The following MEIS1 variants were observed in gnomAD, a reference collection of about 807,000 sequenced individuals.
MEIS1 encodes homeobox protein Meis1.
Under a neutral mutation model 50.8 loss-of-function variants are expected in MEIS1, and 5 were observed. The observed-to-expected ratio is 0.10, with a 90% CI of 0.05 to 0.21. The LOEUF is 0.21. Among genes scored for constraint, MEIS1 ranks in the 10% least tolerant of loss-of-function variants. MEIS1 has a pLI of 1.00. For missense variants in MEIS1, 318 were observed against 517.3 expected (o/e 0.61, Z 3.74); for synonymous variants, 176 against 179.3 (o/e 0.98, Z 0.15).
chr2:66,472,519 T>C (rs1672786965), intron 7 of MEIS1, among the ~76,000 whole-genome samples: 1 of 152,228 alleles, frequency 6.6e-6, no homozygotes, highest in South Asian at 2.1e-4. Context: ...AGGAAGTTCC[T>C]GTGTGCTACC....
intron 6 of MEIS1, among the ~76,000 whole-genome samples, chr2:66,456,900 AGTGT>A (rs1375647402): frequency 6.6e-6 from 1 of 152,214 alleles, no homozygotes; most frequent in East Asian, 1.9e-4. Context: ...AGCAGTGCAC[AGTGT>A]GGACTTAGAA....
chr2:66,559,233 G>A (rs1675151305), intron 9 of MEIS1, among the ~76,000 whole-genome samples: 2 of 152,040 alleles, frequency 1.3e-5, no homozygotes, highest in African/African-American at 4.8e-5. Flanking sequence ...ACACAACGGG[G>A]TTTTAAATTA....
rs1675491969 is a variant in MEIS1 at position 66,571,717 on chromosome 2, A to G, written c.*509A>G. On this transcript the variant is annotated 3_prime_UTR_variant, in exon 13 of 13. Coordinates refer to ENST00000272369, the MANE Select transcript of MEIS1 (RefSeq NM_002398.3). ...TGGGGGACATGCTAAATAACTATAT[A>G]AGACATTAAGAGAACAAAGAGTGAA... 1.6e-6 allele frequency: 1 copy of G among 606,490 alleles called. No homozygotes were observed. The highest frequency in any genetic ancestry group is 1.9e-5 in the African/African-American group (1 of 53,892). The allele number at this position is 606,490 out of a possible 1,614,324, so 37.6% of individuals were successfully genotyped here. A position where few individuals can be genotyped will look rare whatever the true frequency, so the allele number is the denominator to read the frequency against.
At chr2:66,543,629 A>AT in intron 8 of MEIS1, among the ~76,000 whole-genome samples, 1 of 152,312 alleles carries the variant, frequency 6.6e-6, no homozygotes, top group Admixed American at 6.5e-5. Context: ...TGCAGATCAA[A>AT]TGGGAAACAC....
At chr2:66,520,366 A>T (rs1484022601) in intron 8 of MEIS1, among the ~76,000 whole-genome samples, 1 of 148,698 alleles carries the variant, frequency 6.7e-6, no homozygotes, top group Non-Finnish European at 1.5e-5. Flanking sequence ...CTATAGTCCC[A>T]GCTACTCAGG....
chr2:66,451,377 T>G (rs967660052), intron 6 of MEIS1, among the ~76,000 whole-genome samples: 1 of 152,076 alleles, frequency 6.6e-6, no homozygotes, highest in African/African-American at 2.4e-5. Context: ...ATGACTATTA[T>G]GAAACTCTGG....
intron 7 of MEIS1, among the ~76,000 whole-genome samples, chr2:66,491,497 G>A (rs1044384027): frequency 4.1e-4 from 62 of 152,160 alleles, no homozygotes; most frequent in African/African-American, 1.4e-3. Flanking sequence ...GGGCTACTCT[G>A]ATACTTCCTG....
At chr2:66,555,006 T>A (rs746697482) in intron 9 of MEIS1, among the ~76,000 whole-genome samples, 15 of 152,178 alleles carry the variant, frequency 9.9e-5, no homozygotes, top group Non-Finnish European at 2.1e-4. Context: ...TGACAGATAA[T>A]AGGCTCGAAA....
chr2:66,491,075 C>T (rs1673260685), intron 7 of MEIS1, among the ~76,000 whole-genome samples: 1 of 141,416 alleles, frequency 7.1e-6, no homozygotes, highest in Non-Finnish European at 1.5e-5. Flanking sequence ...TTAAGGAAGC[C>T]AACCAATGGA....
chr2:66,446,588 G>C (rs1435095677), intron 6 of MEIS1, among the ~76,000 whole-genome samples: 1 of 152,136 alleles, frequency 6.6e-6, no homozygotes, highest in Non-Finnish European at 1.5e-5. Flanking sequence ...GCAGCTCTCC[G>C]GGGGGTCCTC....
At position 66,443,052 on chromosome 2, in the gene MEIS1, T is replaced by C. The variant is rs768606869; in HGVS notation, c.630+4T>C. On this transcript the variant is annotated splice_donor_region_variant and intron_variant, in intron 6 of 12. Transcript: ENST00000272369. ...ATCAGCAAATCTAACTGACCAGGTA[T>C]GCGCTTTTCAATTTCAACATCCCTG... 6.4e-7 allele frequency: 1 copy of C among 1,572,396 alleles called. No individual in the cohort carries two copies. The highest frequency in any genetic ancestry group is 2.3e-5 in the East Asian group (1 of 43,002).
intron 9 of MEIS1, among the ~76,000 whole-genome samples, chr2:66,549,106 C>T (rs1674857407): frequency 6.6e-6 from 1 of 152,118 alleles, no homozygotes; most frequent in Non-Finnish European, 1.5e-5. Context: ...ATATTAAACC[C>T]CATTACAGAA....
rs1397911602 is a variant in MEIS1 at position 66,435,715 on chromosome 2, T to G, written c.-142T>G. ...ATCTGGGACCAGTAGCTCACGTTGC[T>G]GGAGACGTTAAGGGATTTTTCGTCG... On this transcript the variant is annotated 5_prime_UTR_variant, in exon 1 of 13. Transcript: ENST00000272369. 4 of 728,072 alleles carry G rather than the reference T, an allele frequency of 5.5e-6. No individual in the cohort carries two copies. In the African/African-American group the frequency reaches 7.7e-5, roughly 14 times the overall value. The allele number at this position is 728,072 out of a possible 1,614,324, so 45.1% of individuals were successfully genotyped here. A position where few individuals can be genotyped will look rare whatever the true frequency, so the allele number is the denominator to read the frequency against.
intron 7 of MEIS1, among the ~76,000 whole-genome samples, chr2:66,511,057 C>A (rs980744739): frequency 1.3e-5 from 2 of 151,944 alleles, no homozygotes; most frequent in Non-Finnish European, 1.5e-5. Flanking sequence ...ATAGCTCTTC[C>A]GTTTGGGCCC....
chr2:66,565,011 A>G (rs1675312065), intron 9 of MEIS1, among the ~76,000 whole-genome samples: 1 of 152,092 alleles, frequency 6.6e-6, no homozygotes, highest in African/African-American at 2.4e-5. Context: ...CTCTTAAGTA[A>G]GGTGGTGAGT....
rs181999507 is a variant in MEIS1, at chr2:66,573,023, G to C, written c.*1815G>C. On this transcript the variant is annotated 3_prime_UTR_variant, in exon 13 of 13. Transcript: ENST00000272369. ...CAACAGAATTACTCATCTAATATCAGTGAAATTATTCTTGCACATAAAGGC... is the reference window on the plus strand; with the variant it reads ...CAACAGAATTACTCATCTAATATCACTGAAATTATTCTTGCACATAAAGGC... 6.6e-6 allele frequency: 1 copy of C among 152,270 alleles called. No homozygotes were observed. Among genetic ancestry groups the C allele is most frequent in the East Asian group, 1.9e-4 (1 of 5,190 alleles). The allele number at this position is 152,270 out of a possible 1,614,324, so 9.4% of individuals were successfully genotyped here.
At chr2:66,464,664 C>T (rs117500237) in intron 7 of MEIS1, among the ~76,000 whole-genome samples, 2 of 152,298 alleles carry the variant, frequency 1.3e-5, no homozygotes, top group East Asian at 3.9e-4. Context: ...CGGCTTCCCT[C>T]TCCACTGGGT....
At chr2:66,552,590 G>C (rs1352269268) in intron 9 of MEIS1, among the ~76,000 whole-genome samples, 1 of 152,126 alleles carries the variant, frequency 6.6e-6, no homozygotes, top group Non-Finnish European at 1.5e-5. Context: ...TGCTTTCAAA[G>C]CTGCAAAGCA....
At chr2:66,564,426 G>A (rs1357643755) in intron 9 of MEIS1, among the ~76,000 whole-genome samples, 7 of 152,258 alleles carry the variant, frequency 4.6e-5, no homozygotes, top group East Asian at 3.9e-4. Context: ...AATAAATGTC[G>A]TTGGTGTTGT....
Sources: gnomAD v4.1 joint callset for allele counts (sites outside exome capture counted in the v4.1 genomes callset) on GRCh38, gnomAD v4.1.1 for gene constraint, MANE v1.5 for transcripts, NCBI Gene and HGNC (gene_info 2026-07-23, HGNC 2026-07-21) for gene names.